Variants in PSG7 observed in about 807,000 individuals in gnomAD.
PSG7 encodes the protein pregnancy-specific beta-1-glycoprotein 7.
Under a neutral mutation model 45.6 loss-of-function variants are expected in PSG7, and 57 were observed. The observed-to-expected ratio is 1.25, with a 90% CI of 1.01 to 1.56. The LOEUF is 1.56. Among genes scored for constraint, PSG7 ranks in the 40% most tolerant of loss-of-function variants. The pLI, the probability that PSG7 is intolerant of heterozygous loss-of-function variation, is 0.00. For missense variants in PSG7, 796 were observed against 508.4 expected (o/e 1.57, Z -5.44); for synonymous variants, 298 against 194.4 (o/e 1.53, Z -4.43).
At chr19:42,934,775 G>T (rs1170824140) in intron 2 of PSG7, among the ~76,000 whole-genome samples, 1 of 151,578 alleles carries the variant, frequency 6.6e-6, no homozygotes, top group African/African-American at 2.4e-5. Flanking sequence ...GTTGGCTGAT[G>T]GCCTACAAAG....
At chr19:42,933,609 G>C (rs1973081085) in intron 2 of PSG7, among the ~76,000 whole-genome samples, 1 of 150,562 alleles carries the variant, frequency 6.6e-6, no homozygotes, top group Non-Finnish European at 1.5e-5. Flanking sequence ...AGAACAGTCA[G>C]CCTAGTTAGA....
intron 5 of PSG7, chr19:42,925,461 C>A (rs746342852): frequency 4.2e-5 from 29 of 684,532 alleles, no homozygotes; most frequent in Non-Finnish European, 5.9e-5. Context: ...ATCTAGAAAA[C>A]TATCCACATA....
intron 4 of PSG7, 110 bp downstream of exon 4, chr19:42,926,326 AAT>A: frequency 6.5e-7 from 1 of 1,549,810 alleles, no homozygotes; most frequent in South Asian, 1.3e-5. Context: ...TCCAGAAGTA[AAT>A]ATGTCTATAC....
At chr19:42,931,609 T>C (rs972657902) in intron 2 of PSG7, among the ~76,000 whole-genome samples, 3 of 151,472 alleles carry the variant, frequency 2.0e-5, no homozygotes, top group Non-Finnish European at 4.4e-5. Context: ...TTGTGTGAAT[T>C]AGTAAGAGGC....
intron 4 of PSG7, 176 bp downstream of exon 4, chr19:42,926,262 A>G (rs1972885498): frequency 2.1e-6 from 3 of 1,424,672 alleles, no homozygotes; most frequent in Non-Finnish European, 2.8e-6. Context: ...TTCTTGGTTA[A>G]GGCTGTGCCT....
intron 2 of PSG7, among the ~76,000 whole-genome samples, chr19:42,931,221 T>G (rs1006610651): frequency 3.3e-5 from 5 of 151,788 alleles, no homozygotes; most frequent in African/African-American, 1.2e-4. Flanking sequence ...AAATTTTTAC[T>G]GATGGTCCAA....
intron 3 of PSG7, chr19:42,927,008 G>C (rs1325472343): frequency 1.4e-5 from 7 of 511,212 alleles, no homozygotes; most frequent in African/African-American, 3.8e-5. Context: ...ACCCCTCCCA[G>C]TCCCTCACTA....
chr19:42,934,213 A>AT (rs910989321), intron 2 of PSG7, among the ~76,000 whole-genome samples: 5 of 151,100 alleles, frequency 3.3e-5, no homozygotes, highest in African/African-American at 7.3e-5. Flanking sequence ...AGACCTGGAC[A>AT]TTTTTTTTGC....
Position 42,935,600 on chromosome 19 carries a change from A to G in PSG7, c.234T>C (p.Tyr78=), listed in dbSNP as rs546271184. The change falls in exon 2 of 6, where the codon TAT becomes TAC. Residue 78 remains tyrosine, a synonymous_variant. Transcript: ENST00000406070. ...GACCGTCTACTATATATGATGTAAC[A>G]TAATGGTAGAGGTCCCTGATTTGTC... is the stretch of plus-strand genomic sequence containing the variant. ...YKGQIRDLYH[Y]VTSYIVDGQI... 144 of 1,612,124 alleles carry G rather than the reference A, an allele frequency of 8.9e-5. 5 individuals carry two copies. In the African/African-American group the frequency reaches 1.5e-3, roughly 17 times the overall value.
chr19:42,933,284 TATATATATATATATATA>T (rs1973064387), intron 2 of PSG7, among the ~76,000 whole-genome samples: 2 of 8,364 alleles, frequency 2.4e-4, no homozygotes, highest in Non-Finnish European at 6.1e-4. Context: ...TATATATATA[TATATATATATATATATA>T]TATATATTTT....
chr19:42,935,630 G>T lies in PSG7; in HGVS notation c.204C>A (p.Tyr68Ter). The T allele has an allele frequency of 6.2e-7, 1 of 1,612,030 alleles. No homozygotes were observed. Among genetic ancestry groups the T allele is most frequent in the Non-Finnish European group, 8.5e-7 (1 of 1,179,108 alleles). Residue 68 changes from tyrosine (Y) to a stop codon, truncating the protein, a stop_gained, in exon 2 of 6, where the codon TAC becomes TAA. Coordinates refer to ENST00000406070, the MANE Select transcript of PSG7 (RefSeq NM_002783.3). LOFTEE classifies it high-confidence loss of function. ...GGTAGAGGTCCCTGATTTGTCCTTTGTACCAGATGTAGCCAGTAAGATTCT... is the reference window on the plus strand; with the variant it reads ...GGTAGAGGTCCCTGATTTGTCCTTTTTACCAGATGTAGCCAGTAAGATTCT... ...LPQNLTGYIW[Y>*]KGQIRDLYHY...
At chr19:42,930,168 A>G (rs1340237635) in intron 2 of PSG7, among the ~76,000 whole-genome samples, 1 of 151,572 alleles carries the variant, frequency 6.6e-6, no homozygotes, top group African/African-American at 2.4e-5. Flanking sequence ...TGGATGATGG[A>G]ACTTCCCATT....
chr19:42,925,956 A>G lies in PSG7; in HGVS notation c.1060T>C (p.Cys354Arg), dbSNP rs370166436. 5.0e-5 allele frequency: 81 copies of G among 1,612,194 alleles called. 4 individuals carry two copies. Among genetic ancestry groups the G allele is most frequent in the Non-Finnish European group, 6.6e-5 (78 of 1,179,192 alleles). The part of the protein sequence containing the change: ...YHSGQNLYLS[C>R]FADSNPPAQY... Reference sequence around the variant, plus strand: ...GCCGGTGGGTTAGAGTCCGCAAAGCAGGACAAGTAGAGGTTTTGTCCTGAA... The same window carrying G: ...GCCGGTGGGTTAGAGTCCGCAAAGCGGGACAAGTAGAGGTTTTGTCCTGAA... The change falls in exon 5 of 6, where the codon TGC becomes CGC. Residue 354 changes from cysteine (C) to arginine (R), a missense_variant. Cys to Arg is a radical substitution (Grantham distance 180). Coordinates refer to ENST00000406070, the MANE Select transcript of PSG7 (RefSeq NM_002783.3).
rs190980284 is a variant in PSG7 at position 42,931,830 on chromosome 19, T to A, written c.431-2110A>T. ...TGTAGTTGTCCCACAACTACAAAAT[T>A]TAAAAATTGCTATTGTCAAAACAAA... On this transcript the variant is annotated intron_variant, in intron 2 of 5. Coordinates refer to ENST00000406070, the MANE Select transcript of PSG7 (RefSeq NM_002783.3). 2.5e-3 allele frequency among the ~76,000 whole-genome samples: 373 copies of A among 151,646 alleles called. 11 individuals are homozygous for A. Among genetic ancestry groups the A allele is most frequent in the African/African-American group, 7.4e-3 (305 of 41,322 alleles).
At position 42,925,104 on chromosome 19, in the gene PSG7, C is replaced by A. The variant is rs897985083; in HGVS notation, c.1244-280G>T. The A allele has an allele frequency of 4.2e-5, 20 of 480,376 alleles. 1 individual carries two copies. Among genetic ancestry groups the A allele is most frequent in the Admixed American group, 7.2e-5 (2 of 27,782 alleles). The allele number at this position is 480,376 out of a possible 1,614,324, so 29.8% of individuals were successfully genotyped here. A position where few individuals can be genotyped will look rare whatever the true frequency, so the allele number is the denominator to read the frequency against. On this transcript the variant is annotated intron_variant, in intron 5 of 5. Coordinates refer to ENST00000406070, the MANE Select transcript of PSG7 (RefSeq NM_002783.3). ...TTTTATAAGGAATCTCAGATTAAAC[C>A]TTTACAAAACTCTTGAGAATAGGAA...
chr19:42,933,307 A>ATATTTTTT (rs56691588), intron 2 of PSG7, among the ~76,000 whole-genome samples: 5 of 13,506 alleles, frequency 3.7e-4, no homozygotes, highest in Non-Finnish European at 4.8e-4. Flanking sequence ...ATATATATAT[A>ATATTTTTT]TTTTTTTTTT....
intron 1 of PSG7, 30 bp downstream of exon 1, chr19:42,936,983 C>T (rs1268716899): frequency 1.2e-6 from 2 of 1,608,448 alleles, no homozygotes; most frequent in African/African-American, 2.7e-5. Context: ...CTTCCTTTTC[C>T]TGTCCTCTCC....
chr19:42,927,001 C>A (rs1409489407), intron 3 of PSG7: 13 of 519,274 alleles, frequency 2.5e-5, no homozygotes, highest in Non-Finnish European at 3.9e-5. Context: ...GCCTGGTACC[C>A]CTCCCAGTCC....
intron 2 of PSG7, among the ~76,000 whole-genome samples, chr19:42,934,014 G>T (rs372030047): frequency 2.2e-4 from 33 of 151,574 alleles, no homozygotes; most frequent in African/African-American, 7.8e-4. Context: ...AGTCATTTCT[G>T]CATTCAATTC....
Sources: gnomAD v4.1 joint callset for allele counts (sites outside exome capture counted in the v4.1 genomes callset) on GRCh38, gnomAD v4.1.1 for gene constraint, MANE v1.5 for transcripts, NCBI Gene and HGNC (gene_info 2026-07-23, HGNC 2026-07-21) for gene names.